The following COL4A2 variants were observed in gnomAD, a reference collection of about 807,000 sequenced individuals.
The protein encoded by COL4A2 is collagen type IV alpha 2 chain, also known as collagen alpha-2(IV) chain.
A neutral mutation model predicts 200.2 loss-of-function variants in COL4A2; 99 were observed. The ratio of observed to expected loss-of-function variants is 0.49; its 90% CI spans 0.42 to 0.58. The LOEUF (loss-of-function observed/expected upper bound fraction) is 0.58, where lower values mean the gene tolerates loss of function less well. Ranked by LOEUF, COL4A2 falls within the 20% of genes least tolerant of loss-of-function variation. COL4A2 has a pLI of 0.00. For synonymous variants in COL4A2, 897 were observed against 900.6 expected, an observed-to-expected ratio of 1.00 and a Z score of 0.07; for missense variants, 1,950 against 2,314.1, an observed-to-expected ratio of 0.84 and a Z score of 3.23.
At chr13:110,433,667 G>C (rs755007733) in intron 11 of COL4A2, among the ~76,000 whole-genome samples, 1 of 152,260 alleles carries the variant, frequency 6.6e-6, no homozygotes, top group Non-Finnish European at 1.5e-5. Flanking sequence ...GTCACTGTGG[G>C]AACACACAGA....
At chr13:110,441,074 C>T (rs564778440) in intron 16 of COL4A2, among the ~76,000 whole-genome samples, 3 of 152,348 alleles carry the variant, frequency 2.0e-5, no homozygotes, top group Admixed American at 2.0e-4. Context: ...CGGTGGTACA[C>T]AGGGCTTGGC....
chr13:110,317,042 A>T (rs1188529955), intron 3 of COL4A2, among the ~76,000 whole-genome samples: 2 of 150,158 alleles, frequency 1.3e-5, no homozygotes, highest in South Asian at 2.1e-4. Context: ...ACATACATGC[A>T]TGCACATAGA....
In COL4A2 at chr13:110,310,544, G is replaced by A. The variant is rs372099995; in HGVS notation, c.99+2421G>A. Among the ~76,000 whole-genome samples, 9 of 152,320 alleles carry A rather than the reference G, an allele frequency of 5.9e-5. No individual in the cohort carries two copies. The South Asian group carries it at 6.2e-4, about 11-fold the overall frequency. On this transcript the variant is annotated intron_variant, in intron 3 of 47. Transcript: ENST00000360467. ...TGTTAAGAGACATGTAGTTTGTTAC[G>A]TTCAACAAGGGGCTGGTCTTCTACT... is the stretch of plus-strand genomic sequence containing the variant.
intron 4 of COL4A2, among the ~76,000 whole-genome samples, chr13:110,385,860 G>A (rs199669145): frequency 0.74 from 1,488 of 2,010 alleles, 548 homozygotes; most frequent in Non-Finnish European, 0.84. Context: ...GGCCGTGGTT[G>A]CAGCGTGTGG....
At chr13:110,367,629 C>T (rs1888005) in intron 4 of COL4A2, among the ~76,000 whole-genome samples, 3 of 152,086 alleles carry the variant, frequency 2.0e-5, no homozygotes, top group Admixed American at 1.3e-4. Context: ...ACCCATGCTT[C>T]GCATCTGTCA....
intron 3 of COL4A2, among the ~76,000 whole-genome samples, chr13:110,344,377 T>A (rs567849409): frequency 6.6e-6 from 1 of 152,364 alleles, no homozygotes; most frequent in South Asian, 2.1e-4. Context: ...ATTAGTTATT[T>A]GACGACAACA....
At chr13:110,511,803 CCTCATGTCCGTATTGACA>C in intron 47 of COL4A2, 113 bp from the exon 48 acceptor site, 1 of 1,440,158 alleles carries the variant, frequency 6.9e-7, no homozygotes, top group Non-Finnish European at 9.4e-7. Context: ...CGCGAGGATG[CCTCATGTCCGTATTGACA>C]CTCATGGTTT....
At chr13:110,344,925 AG>A (rs377271558) in intron 3 of COL4A2, among the ~76,000 whole-genome samples, 287 of 152,278 alleles carry the variant, frequency 1.9e-3, no homozygotes, top group South Asian at 4.4e-3. Flanking sequence ...AATTTTATTA[AG>A]GCCCTAGTTA....
intron 3 of COL4A2, among the ~76,000 whole-genome samples, chr13:110,330,761 A>G (rs940104654): frequency 2.6e-5 from 4 of 152,022 alleles, no homozygotes; most frequent in African/African-American, 9.7e-5. Flanking sequence ...AAGACCTCCT[A>G]CTAGATACTT....
chr13:110,383,867 C>T (rs1878586374), intron 4 of COL4A2, among the ~76,000 whole-genome samples: 1 of 152,092 alleles, frequency 6.6e-6, no homozygotes, highest in Non-Finnish European at 1.5e-5. Context: ...CCACCTCGGC[C>T]TCCCGAAGTG....
chr13:110,342,643 T>A (rs1240997934), intron 3 of COL4A2, among the ~76,000 whole-genome samples: 2 of 152,128 alleles, frequency 1.3e-5, no homozygotes. Flanking sequence ...ACCCATTTTT[T>A]AAATGAGGAC....
At chr13:110,389,540 G>A (rs919719663) in intron 4 of COL4A2, among the ~76,000 whole-genome samples, 8 of 152,200 alleles carry the variant, frequency 5.3e-5, no homozygotes, top group South Asian at 2.1e-4. Context: ...AGGAGGGCCC[G>A]GCTCAGGGAG....
At chr13:110,443,122 G>C (rs1881194598) in intron 16 of COL4A2, among the ~76,000 whole-genome samples, 1 of 152,184 alleles carries the variant, frequency 6.6e-6, no homozygotes. Context: ...CATGACCTCA[G>C]ATTGAGTTCT....
chr13:110,435,495 TCTATTAGTGGACA>T (rs1339561376), intron 12 of COL4A2, among the ~76,000 whole-genome samples: 1 of 152,198 alleles, frequency 6.6e-6, no homozygotes, highest in East Asian at 1.9e-4. Flanking sequence ...TTTAAGATAT[TCTATTAGTGGACA>T]CTCAGCGTAC....
chr13:110,502,482 GC>G (rs1883680978), intron 41 of COL4A2: 1 of 152,382 alleles, frequency 6.6e-6, no homozygotes, highest in Non-Finnish European at 1.5e-5. Context: ...CCACCACCAA[GC>G]CCAGATGATT....
At chr13:110,326,723 G>A (rs981031484) in intron 3 of COL4A2, among the ~76,000 whole-genome samples, 1 of 152,124 alleles carries the variant, frequency 6.6e-6, no homozygotes. Context: ...TGGTCTGCTG[G>A]GAGGTGCCCA....
At chr13:110,332,017 T>A (rs1875940960) in intron 3 of COL4A2, among the ~76,000 whole-genome samples, 1 of 152,250 alleles carries the variant, frequency 6.6e-6, no homozygotes, top group East Asian at 1.9e-4. Context: ...TTTTTTATGG[T>A]TAGTGTTTTC....
chr13:110,344,750 G>C (rs549292093), intron 3 of COL4A2, among the ~76,000 whole-genome samples: 1 of 152,286 alleles, frequency 6.6e-6, no homozygotes, highest in African/African-American at 2.4e-5. Context: ...TCCTGTCCTT[G>C]CTCTCTGCAG....
chr13:110,488,936 T>C (rs953046297), intron 34 of COL4A2, among the ~76,000 whole-genome samples: 2 of 152,086 alleles, frequency 1.3e-5, no homozygotes, highest in East Asian at 1.9e-4. Flanking sequence ...CACAGTTCCA[T>C]AAGAACAGCA....
Sources: allele counts gnomAD v4.1 joint callset (sites outside exome capture counted in the v4.1 genomes callset), GRCh38; gene constraint gnomAD v4.1.1; transcripts MANE v1.5; gene names NCBI Gene and HGNC (gene_info 2026-07-23, HGNC 2026-07-21).